ZNF407: variants seen among roughly 807,000 people sequenced by gnomAD.
ZNF407 encodes zinc finger protein 407.
In ZNF407, 17 loss-of-function variants were observed where a neutral mutation model predicts 131.2. The ratio of observed to expected loss-of-function variants is 0.13; its 90% CI spans 0.09 to 0.19. ZNF407 has a LOEUF of 0.19. Among genes scored for constraint, ZNF407 ranks in the 10% least tolerant of loss-of-function variants. The pLI is 1.00. For synonymous variants in ZNF407, 1,156 were observed against 1,062.0 expected, an observed-to-expected ratio of 1.09 and a Z score of -1.72; for missense variants, 2,681 against 2,830.6, an observed-to-expected ratio of 0.95 and a Z score of 1.20.
intron 3 of ZNF407, among the ~76,000 whole-genome samples, chr18:74,716,202 G>C (rs888733333): frequency 4.6e-5 from 7 of 152,214 alleles, no homozygotes. Context: ...GTGAGGTTTT[G>C]ATAGCTGAGA....
At chr18:74,997,213 G>C (rs1195693084) in intron 8 of ZNF407, among the ~76,000 whole-genome samples, 2 of 152,140 alleles carry the variant, frequency 1.3e-5, no homozygotes, top group East Asian at 1.9e-4. Context: ...AGCTCTCAAG[G>C]AGTTACAAAA....
intron 1 of ZNF407, among the ~76,000 whole-genome samples, chr18:74,611,560 C>T (rs990014310): frequency 8.1e-4 from 123 of 152,098 alleles, no homozygotes; most frequent in Admixed American, 8.1e-3. Flanking sequence ...TAGTTTCTTA[C>T]ACATTAGATT....
intron 3 of ZNF407, among the ~76,000 whole-genome samples, chr18:74,662,191 A>T (rs1985744823): frequency 6.6e-6 from 1 of 152,098 alleles, no homozygotes; most frequent in African/African-American, 2.4e-5. Context: ...TGCTTCTCAC[A>T]TACGATTTTG....
chr18:74,965,014 G>A lies in ZNF407; in HGVS notation c.5428+44322G>A, dbSNP rs1009513388. Among the ~76,000 whole-genome samples the A allele has an allele frequency of 3.9e-5, 6 of 152,136 alleles. No individual in the cohort carries two copies. In the South Asian group the frequency reaches 8.3e-4, roughly 21 times the overall value. On this transcript the variant is annotated intron_variant, in intron 8 of 8. Coordinates refer to ENST00000299687, the MANE Select transcript of ZNF407 (RefSeq NM_017757.3). Reference sequence around the variant, plus strand: ...ATTTTGGGTCTTAGATATAGTGTACGTGTAGTCCCATTTTTTATTTTAATT... The same window carrying A: ...ATTTTGGGTCTTAGATATAGTGTACATGTAGTCCCATTTTTTATTTTAATT...
intron 1 of ZNF407, among the ~76,000 whole-genome samples, chr18:74,624,951 T>A (rs1220280403): frequency 6.6e-6 from 1 of 152,230 alleles, no homozygotes; most frequent in Non-Finnish European, 1.5e-5. Context: ...ACTCTGTAGA[T>A]CTTAGTTTGC....
chr18:75,040,717 A>G (rs1973362826), intron 8 of ZNF407, among the ~76,000 whole-genome samples: 1 of 152,208 alleles, frequency 6.6e-6, no homozygotes, highest in Admixed American at 6.5e-5. Context: ...TAAAAGATAA[A>G]CTATCTAAAT....
chr18:74,763,949 G>A (rs1263050923), intron 3 of ZNF407, among the ~76,000 whole-genome samples: 4 of 151,566 alleles, frequency 2.6e-5, no homozygotes, highest in Admixed American at 6.6e-5. Context: ...TCCTGACCTC[G>A]TGATCCGCCC....
intron 1 of ZNF407, among the ~76,000 whole-genome samples, chr18:74,627,648 G>C (rs1983843210): frequency 6.6e-6 from 1 of 151,962 alleles, no homozygotes; most frequent in Non-Finnish European, 1.5e-5. Context: ...CATTTCCTAA[G>C]GATCCTTTGC....
intron 1 of ZNF407, among the ~76,000 whole-genome samples, chr18:74,599,526 T>A (rs1982485066): frequency 6.6e-6 from 1 of 152,146 alleles, no homozygotes; most frequent in African/African-American, 2.4e-5. Flanking sequence ...TAAATAAATA[T>A]ATATAATACC....
intron 7 of ZNF407, among the ~76,000 whole-genome samples, chr18:74,893,870 T>C (rs1444383221): frequency 1.8e-4 from 27 of 152,144 alleles, no homozygotes; most frequent in Non-Finnish European, 8.8e-5. Flanking sequence ...TAGATAAAAA[T>C]TATTCCTGTG....
intron 8 of ZNF407, among the ~76,000 whole-genome samples, chr18:75,008,257 G>A (rs1972934402): frequency 6.6e-6 from 1 of 152,204 alleles, no homozygotes; most frequent in Admixed American, 6.5e-5. Flanking sequence ...ACCAGGAAAA[G>A]TCAGGAGTGG....
At chr18:75,042,964 C>T (rs1280576424) in intron 8 of ZNF407, among the ~76,000 whole-genome samples, 1 of 152,164 alleles carries the variant, frequency 6.6e-6, no homozygotes. Context: ...CATTAGGTTG[C>T]TTCCAGTTGT....
In ZNF407 at chr18:74,965,508, G is replaced by T. The variant is rs112422403; in HGVS notation, c.5428+44816G>T. On this transcript the variant is annotated intron_variant, in intron 8 of 8. Coordinates refer to ENST00000299687, the MANE Select transcript of ZNF407 (RefSeq NM_017757.3). ...CAGGATTTCATTCTGTTTTATGGCT[G>T]TATAGTACTCCATTGTATATATCTA... Among the ~76,000 whole-genome samples, 438 of 152,220 alleles carry T rather than the reference G, an allele frequency of 2.9e-3. 5 individuals are homozygous for T. The highest frequency in any genetic ancestry group is 9.7e-3 in the African/African-American group (403 of 41,522).
At chr18:74,880,032 T>A (rs2145184016) in intron 5 of ZNF407, among the ~76,000 whole-genome samples, 1 of 152,354 alleles carries the variant, frequency 6.6e-6, no homozygotes, top group Non-Finnish European at 1.5e-5. Context: ...TTGCATTAAA[T>A]GTCTAAATGA....
intron 1 of ZNF407, among the ~76,000 whole-genome samples, chr18:74,619,635 C>G (rs1374147821): frequency 6.6e-6 from 1 of 152,036 alleles, no homozygotes; most frequent in African/African-American, 2.4e-5. Flanking sequence ...CCTCCCCCAC[C>G]TTTTTTAGTG....
chr18:74,710,224 G>A (rs141334754), intron 3 of ZNF407, among the ~76,000 whole-genome samples: 1 of 152,106 alleles, frequency 6.6e-6, no homozygotes, highest in Non-Finnish European at 1.5e-5. Context: ...GACTAATCCT[G>A]CAGGGTTTAT....
intron 7 of ZNF407, among the ~76,000 whole-genome samples, chr18:74,891,444 G>A (rs1363932367): frequency 2.6e-5 from 4 of 152,148 alleles, no homozygotes; most frequent in Non-Finnish European, 5.9e-5. Context: ...TCTAGCCTAC[G>A]CGTTTAGCAA....
intron 5 of ZNF407, among the ~76,000 whole-genome samples, chr18:74,880,217 G>A (rs535148871): frequency 2.6e-4 from 40 of 152,122 alleles, no homozygotes; most frequent in Non-Finnish European, 4.7e-4. Context: ...TGCTGCAGTG[G>A]GAAGATAGAT....
At chr18:74,945,429 C>T (rs762786597) in intron 8 of ZNF407, among the ~76,000 whole-genome samples, 19 of 152,104 alleles carry the variant, frequency 1.2e-4, no homozygotes, top group Non-Finnish European at 2.6e-4. Flanking sequence ...GACAGCTCGC[C>T]CATTTTATTG....
Sources: allele counts gnomAD v4.1 joint callset (sites outside exome capture counted in the v4.1 genomes callset), GRCh38; gene constraint gnomAD v4.1.1; transcripts MANE v1.5; gene names NCBI Gene and HGNC (gene_info 2026-07-23, HGNC 2026-07-21).